The following KANSL1 variants were observed in gnomAD, a reference collection of about 807,000 sequenced individuals.
KANSL1 encodes KAT8 regulatory NSL complex subunit 1.
Under a neutral mutation model 103.6 loss-of-function variants are expected in KANSL1, and 22 were observed. The observed-to-expected ratio is 0.21, with a 90% CI of 0.15 to 0.30. KANSL1 has a LOEUF of 0.30. Ranked by LOEUF, KANSL1 falls within the 10% of genes least tolerant of loss-of-function variation. KANSL1 has a pLI of 1.00. For synonymous variants in KANSL1, 600 were observed against 527.6 expected (o/e 1.14, Z -1.88); for missense variants, 1,337 against 1,399.8 (o/e 0.96, Z 0.72).
intron 1 of KANSL1, among the ~76,000 whole-genome samples, chr17:46,188,627 GCAC>G (rs2047145229): frequency 6.6e-6 from 1 of 152,196 alleles, no homozygotes; most frequent in African/African-American, 2.4e-5. Context: ...AAGTAAAGAG[GCAC>G]TAAGGTAAAA....
chr17:46,067,003 T>C (rs1409357657), intron 5 of KANSL1, among the ~76,000 whole-genome samples: 2 of 152,226 alleles, frequency 1.3e-5, no homozygotes, highest in East Asian at 3.8e-4. Flanking sequence ...GTTCTAGTGA[T>C]TGAGTTCTCC....
At chr17:46,210,961 C>T (rs1214767850) in intron 1 of KANSL1, among the ~76,000 whole-genome samples, 4 of 152,072 alleles carry the variant, frequency 2.6e-5, no homozygotes, top group East Asian at 1.9e-4. Flanking sequence ...CAGAAGGGCA[C>T]GCTTCAACTC....
chr17:46,209,744 T>G (rs1010857733), intron 1 of KANSL1, among the ~76,000 whole-genome samples: 35 of 152,234 alleles, frequency 2.3e-4, no homozygotes, highest in Non-Finnish European at 1.5e-5. Flanking sequence ...TTCACCCAAC[T>G]CGGCCTCCCA....
intron 2 of KANSL1, among the ~76,000 whole-genome samples, chr17:46,103,918 C>T (rs2042423266): frequency 1.3e-5 from 2 of 152,150 alleles, no homozygotes. Context: ...GTTCCAGCTG[C>T]ACGGGAGGCT....
intron 1 of KANSL1, among the ~76,000 whole-genome samples, chr17:46,212,792 G>A (rs1216119678): frequency 6.6e-6 from 1 of 151,960 alleles, no homozygotes; most frequent in Non-Finnish European, 1.5e-5. Flanking sequence ...AAAAAAACTA[G>A]GCCCAATGCA....
chr17:46,200,349 G>T (rs866921816), intron 1 of KANSL1, among the ~76,000 whole-genome samples: 9 of 152,338 alleles, frequency 5.9e-5, no homozygotes, highest in African/African-American at 2.2e-4. Context: ...GCAGCTGTGA[G>T]CAGCCAAGTT....
intron 1 of KANSL1, among the ~76,000 whole-genome samples, chr17:46,192,031 G>A (rs1458361172): frequency 6.6e-6 from 1 of 152,074 alleles, no homozygotes; most frequent in African/African-American, 2.4e-5. Context: ...GAAAAGGAAA[G>A]AGAGCAATTT....
chr17:46,032,511 A>G, intron 13 of KANSL1: 1 of 466,840 alleles, frequency 2.1e-6, no homozygotes, highest in Non-Finnish European at 3.7e-6. Flanking sequence ...TGGCTGAACA[A>G]TGCCAGGTGA....
At chr17:46,079,480 T>C (rs1253829736) in intron 4 of KANSL1, among the ~76,000 whole-genome samples, 1 of 152,248 alleles carries the variant, frequency 6.6e-6, no homozygotes, top group African/African-American at 2.4e-5. Context: ...TTTAGAACGC[T>C]GACAAGTTAA....
chr17:46,157,496 T>C (rs1173712509), intron 2 of KANSL1, among the ~76,000 whole-genome samples: 1 of 152,252 alleles, frequency 6.6e-6, no homozygotes. Context: ...ACCAAATATA[T>C]ACATATCATG....
At chr17:46,090,967 T>C (rs1440816509) in intron 3 of KANSL1, among the ~76,000 whole-genome samples, 1 of 152,272 alleles carries the variant, frequency 6.6e-6, no homozygotes, top group Non-Finnish European at 1.5e-5. Flanking sequence ...TACTATACTA[T>C]ACTTTTAATC....
intron 2 of KANSL1, among the ~76,000 whole-genome samples, chr17:46,123,101 G>T (rs2043356873): frequency 1.3e-5 from 2 of 152,248 alleles, no homozygotes; most frequent in South Asian, 4.1e-4. Flanking sequence ...TAGAGACGGG[G>T]CGCAGTGGCT....
chr17:46,142,055 A>AT (rs1297575884), intron 2 of KANSL1, among the ~76,000 whole-genome samples: 4 of 152,224 alleles, frequency 2.6e-5, no homozygotes, highest in East Asian at 1.9e-4. Flanking sequence ...CACCTGGCTA[A>AT]TTTTTTTGTA....
chr17:46,170,458 A>C (rs2046225753), intron 2 of KANSL1: 1 of 220,380 alleles, frequency 4.5e-6, no homozygotes, highest in Non-Finnish European at 8.4e-6. Context: ...TAACTAGGTC[A>C]ACTCAGCATT....
At chr17:46,120,750 CT>C (rs2043243380) in intron 2 of KANSL1, among the ~76,000 whole-genome samples, 1 of 152,120 alleles carries the variant, frequency 6.6e-6, no homozygotes, top group Admixed American at 6.5e-5. Flanking sequence ...CTTGCATATT[CT>C]TATTAACCAA....
At chr17:46,037,624 T>C (rs540679492) in intron 10 of KANSL1, 3 of 152,260 alleles carry the variant, frequency 2.0e-5, no homozygotes, top group Non-Finnish European at 4.4e-5. Context: ...ACAGTTTTCA[T>C]GCATATAAAA....
At position 46,171,070 on chromosome 17, in the gene KANSL1, G is replaced by A. The variant is rs2147733945; in HGVS notation, c.1074C>T (p.Ala358=). 5 of 1,614,162 alleles carry A rather than the reference G, an allele frequency of 3.1e-6. No homozygotes were observed. In the South Asian group the frequency reaches 3.3e-5, roughly 11 times the overall value. ...RKAEAALRKA[A]SETTTSEGLS... is the part of the protein sequence containing the mutation. ...GTCCCTCTGAAGTGGTGGTCTCACT[G>A]GCAGCTTTTCTCAAGGCAGCTTCAG... Residue 358 remains alanine (A), a synonymous_variant, in exon 2 of 15, where the codon GCC becomes GCT. Coordinates refer to ENST00000432791, the MANE Select transcript of KANSL1 (RefSeq NM_015443.4).
chr17:46,183,028 C>G (rs1448283524), intron 1 of KANSL1, among the ~76,000 whole-genome samples: 1 of 152,228 alleles, frequency 6.6e-6, no homozygotes, highest in South Asian at 2.1e-4. Context: ...TAAAGAGAGA[C>G]ACTACTGTGT....
chr17:46,049,190 G>A (rs1297035079), intron 7 of KANSL1, among the ~76,000 whole-genome samples: 5 of 147,938 alleles, frequency 3.4e-5, no homozygotes, highest in African/African-American at 1.2e-4. Flanking sequence ...TTCAGGTGCT[G>A]AGAACTCTTA....
Sources: allele counts gnomAD v4.1 joint callset (sites outside exome capture counted in the v4.1 genomes callset), GRCh38; gene constraint gnomAD v4.1.1; transcripts MANE v1.5; gene names NCBI Gene and HGNC (gene_info 2026-07-23, HGNC 2026-07-21).